The following RALGAPA1 variants were observed in gnomAD, a reference collection of about 807,000 sequenced individuals.
The protein encoded by RALGAPA1 is Ral GTPase activating protein catalytic subunit alpha 1, also known as ral GTPase-activating protein subunit alpha-1.
Under a neutral mutation model 269.6 loss-of-function variants are expected in RALGAPA1, and 52 were observed. The ratio of observed to expected loss-of-function variants is 0.19; its 90% CI spans 0.15 to 0.24. The LOEUF is 0.24. Among genes scored for constraint, RALGAPA1 ranks in the 10% least tolerant of loss-of-function variants. The probability of loss-of-function intolerance (pLI) is 1.00; values close to 1 mark genes in which losing one functional copy is unlikely to be tolerated. For synonymous variants in RALGAPA1, 817 were observed against 1,008.3 expected (o/e 0.81, Z 3.60); for missense variants, 1,917 against 3,013.9 (o/e 0.64, Z 8.52).
chr14:35,602,020 GTC>G (rs1021256322), intron 36 of RALGAPA1, among the ~76,000 whole-genome samples: 1 of 151,984 alleles, frequency 6.6e-6, no homozygotes, highest in Non-Finnish European at 1.5e-5. Context: ...CCTACTTTCT[GTC>G]TCTATAAATA....
At chr14:35,605,773 T>C in intron 35 of RALGAPA1, 64 bp from the exon 36 acceptor site, 1 of 1,558,830 alleles carries the variant, frequency 6.4e-7, no homozygotes. Context: ...CATCCAACAA[T>C]TAAGTTCTAT....
chr14:35,601,707 A>G (rs1360621129), intron 36 of RALGAPA1, among the ~76,000 whole-genome samples: 1 of 152,148 alleles, frequency 6.6e-6, no homozygotes. Flanking sequence ...CTTCCGTCCT[A>G]AAGTCCCTAG....
At chr14:35,676,165 T>C (rs966699763) in intron 22 of RALGAPA1, 4 of 152,182 alleles carry the variant, frequency 2.6e-5, no homozygotes, top group African/African-American at 9.7e-5. Context: ...GCTAACAAAA[T>C]TTTAAATGAT....
At chr14:35,632,362 A>C (rs1227549450) in intron 33 of RALGAPA1, among the ~76,000 whole-genome samples, 1 of 152,190 alleles carries the variant, frequency 6.6e-6, no homozygotes, top group Non-Finnish European at 1.5e-5. Flanking sequence ...GCATTCATTT[A>C]AATAACTCTA....
intron 16 of RALGAPA1, among the ~76,000 whole-genome samples, chr14:35,716,588 A>T (rs2068849775): frequency 6.6e-6 from 1 of 152,032 alleles, no homozygotes; most frequent in Non-Finnish European, 1.5e-5. Flanking sequence ...CCATAATATC[A>T]TCTGATATTC....
Position 35,549,091 on chromosome 14 carries a change from T to C in RALGAPA1, c.7621+19A>G, listed in dbSNP as rs2054726007. The C allele has an allele frequency of 1.2e-6, 2 of 1,610,442 alleles. No individual in the cohort carries two copies. The highest frequency in any genetic ancestry group is 1.3e-5 in the African/African-American group (1 of 74,784). On this transcript the variant is annotated intron_variant, in intron 40 of 41. Coordinates refer to ENST00000680220, the MANE Select transcript of RALGAPA1 (RefSeq NM_001346249.2). ...TCAAGTTCCAATAACAAGTAACTAA[T>C]ACTCGCTTTTAATCTTACCGGCATC...
intron 39 of RALGAPA1, among the ~76,000 whole-genome samples, chr14:35,549,656 T>C (rs1333741445): frequency 1.3e-5 from 2 of 152,178 alleles, no homozygotes; most frequent in Admixed American, 6.5e-5. Flanking sequence ...CATTGTAATG[T>C]TGCTTAAGAT....
At chr14:35,773,657 A>C (rs920202773) in intron 3 of RALGAPA1, among the ~76,000 whole-genome samples, 3 of 152,176 alleles carry the variant, frequency 2.0e-5, no homozygotes, top group African/African-American at 4.8e-5. Context: ...TTCTTTCTCA[A>C]AGCAACTACG....
intron 16 of RALGAPA1, among the ~76,000 whole-genome samples, chr14:35,701,455 C>T (rs1303797766): frequency 6.6e-6 from 1 of 152,150 alleles, no homozygotes; most frequent in African/African-American, 2.4e-5. Context: ...CAATCTACCA[C>T]TCAGTAAGAC....
chr14:35,718,018 T>G (rs2069001618), intron 16 of RALGAPA1, among the ~76,000 whole-genome samples: 1 of 152,188 alleles, frequency 6.6e-6, no homozygotes, highest in Non-Finnish European at 1.5e-5. Context: ...TGGAATGCGC[T>G]TTCTCCATTC....
At chr14:35,642,947 T>C (rs553333946) in intron 31 of RALGAPA1, among the ~76,000 whole-genome samples, 13 of 152,246 alleles carry the variant, frequency 8.5e-5, no homozygotes, top group Non-Finnish European at 1.5e-4. Flanking sequence ...TGTCCATCAA[T>C]GATAGACTAG....
intron 11 of RALGAPA1, 78 bp from the exon 12 acceptor site, chr14:35,738,728 G>A: frequency 8.5e-7 from 1 of 1,172,770 alleles, no homozygotes; most frequent in South Asian, 1.6e-5. Flanking sequence ...AAAGGTAAAT[G>A]AAATTGTTAG....
At chr14:35,654,318 T>C in intron 30 of RALGAPA1, 49 bp downstream of exon 30, 1 of 1,493,568 alleles carries the variant, frequency 6.7e-7, no homozygotes, top group East Asian at 2.5e-5. Flanking sequence ...AGTATCCAAA[T>C]CTAAAAAAAT....
intron 35 of RALGAPA1, 151 bp from the exon 36 acceptor site, chr14:35,605,860 T>A: frequency 2.2e-6 from 2 of 905,530 alleles, no homozygotes; most frequent in Non-Finnish European, 3.1e-6. Context: ...AAATGCAATG[T>A]AAGTAAAAAA....
intron 4 of RALGAPA1, among the ~76,000 whole-genome samples, chr14:35,768,965 G>C (rs1246665522): frequency 8.3e-6 from 1 of 120,588 alleles, no homozygotes; most frequent in Non-Finnish European, 1.6e-5. Flanking sequence ...CCGAGATAGT[G>C]CCACTGTACT....
chr14:35,736,855 G>A (rs2141099804), intron 12 of RALGAPA1, among the ~76,000 whole-genome samples: 2 of 152,074 alleles, frequency 1.3e-5, no homozygotes, highest in Middle Eastern at 6.8e-3. Context: ...GGCCAACATG[G>A]CAAAAACCCA....
intron 25 of RALGAPA1, 35 bp from the exon 26 acceptor site, chr14:35,671,552 C>T (rs2064440851): frequency 8.4e-7 from 1 of 1,196,498 alleles, no homozygotes; most frequent in Non-Finnish European, 1.2e-6. Flanking sequence ...AAGAATATCA[C>T]ATATGTAATC....
intron 20 of RALGAPA1, among the ~76,000 whole-genome samples, chr14:35,684,571 T>A (rs757371676): frequency 3.9e-4 from 60 of 152,232 alleles, no homozygotes; most frequent in Non-Finnish European, 7.2e-4. Flanking sequence ...ATTTTTTGTT[T>A]TTTAAATGCT....
At chr14:35,803,739 T>A (rs1466286324) in intron 1 of RALGAPA1, among the ~76,000 whole-genome samples, 1 of 151,614 alleles carries the variant, frequency 6.6e-6, no homozygotes, top group Non-Finnish European at 1.5e-5. Context: ...TTCAAGCAAT[T>A]CTCCCATCTC....
Sources: gnomAD v4.1 joint callset for allele counts (sites outside exome capture counted in the v4.1 genomes callset) on GRCh38, gnomAD v4.1.1 for gene constraint, MANE v1.5 for transcripts, NCBI Gene and HGNC (gene_info 2026-07-23, HGNC 2026-07-21) for gene names.